Variants in PITRM1 observed in about 807,000 individuals in gnomAD.
The protein encoded by PITRM1 is pitrilysin metallopeptidase 1.
In PITRM1, 100 loss-of-function variants were observed where a neutral mutation model predicts 129.9. The observed-to-expected ratio is 0.77, with a 90% confidence interval of 0.65 to 0.91. PITRM1 has a LOEUF of 0.91. Among genes scored for constraint, PITRM1 ranks in the 40% least tolerant of loss-of-function variants. The pLI, the probability that PITRM1 is intolerant of heterozygous loss-of-function variation, is 0.00. For missense variants in PITRM1, 1,471 were observed against 1,318.3 expected, an observed-to-expected ratio of 1.12 and a Z score of -1.79; for synonymous variants, 591 against 508.8, an observed-to-expected ratio of 1.16 and a Z score of -2.17.
At chr10:3,151,862 C>T (rs150177190) in intron 14 of PITRM1, among the ~76,000 whole-genome samples, 2 of 152,216 alleles carry the variant, frequency 1.3e-5, no homozygotes, top group South Asian at 2.1e-4. Flanking sequence ...TAGCCTCCTA[C>T]GTGGCTGGGA....
chr10:3,139,252 T>G (rs1472015239), intron 24 of PITRM1, among the ~76,000 whole-genome samples: 1 of 152,168 alleles, frequency 6.6e-6, no homozygotes, highest in Non-Finnish European at 1.5e-5. Context: ...TTTCAACATG[T>G]TCTCCCTCTT....
intron 15 of PITRM1, among the ~76,000 whole-genome samples, 169 bp from the exon 16 acceptor site, chr10:3,149,922 T>C (rs1841336144): frequency 1.3e-5 from 2 of 152,152 alleles, no homozygotes; most frequent in Non-Finnish European, 2.9e-5. Context: ...AAACTGGAAC[T>C]GTCTTCAATA....
intron 22 of PITRM1, chr10:3,143,836 C>T (rs1840536539): frequency 1.7e-6 from 1 of 578,680 alleles, no homozygotes; most frequent in Non-Finnish European, 3.3e-6. Context: ...ATTTATATTT[C>T]ATATCATATT....
intron 14 of PITRM1, among the ~76,000 whole-genome samples, chr10:3,153,548 G>C (rs1006399642): frequency 6.6e-6 from 1 of 152,056 alleles, no homozygotes; most frequent in Non-Finnish European, 1.5e-5. Context: ...GAATCCGGGA[G>C]GGGGAGCTTG....
chr10:3,166,428 C>T (rs369188722), intron 3 of PITRM1, 48 bp from the exon 4 acceptor site: 50 of 473,398 alleles, frequency 1.1e-4, no homozygotes, highest in South Asian at 2.0e-4. Context: ...CTTAGTGCTG[C>T]GGACACAGTT....
At chr10:3,157,175 G>T in intron 12 of PITRM1, 111 bp from the exon 13 acceptor site, 1 of 1,007,816 alleles carries the variant, frequency 9.9e-7, no homozygotes, top group East Asian at 2.7e-5. Context: ...ATATACCACA[G>T]ATGATTGTTT....
intron 23 of PITRM1, among the ~76,000 whole-genome samples, chr10:3,142,056 G>C (rs545291070): frequency 1.3e-5 from 2 of 152,144 alleles, no homozygotes; most frequent in African/African-American, 4.8e-5. Context: ...CAAAACACAA[G>C]GAAAAAAAGA....
chr10:3,140,648 A>G (rs751910685), intron 24 of PITRM1, 39 bp downstream of exon 24: 56 of 1,560,838 alleles, frequency 3.6e-5, no homozygotes, highest in Non-Finnish European at 4.4e-5. Context: ...GACTAAAACG[A>G]CGTGTGCATC....
At chr10:3,168,914 CTACACACACACACACACACA>C (rs1199092192) in intron 2 of PITRM1, among the ~76,000 whole-genome samples, 10 of 137,430 alleles carry the variant, frequency 7.3e-5, no homozygotes, top group African/African-American at 2.7e-4. Flanking sequence ...AAGTTTCCAT[CTACACACACACACACACACA>C]CACACACACA....
Position 3,158,053 on chromosome 10 carries a change from CA to C in PITRM1, c.1236del (p.Ile412MetfsTer4). ...AGCTACACTCACTCAACTACTTCAT[CA>C]ATCGTTCTGTCTATGAGGCTTCTGA... ...ETVRSLIDRT[I>X]DEVVEKGFED... On this transcript the variant is annotated frameshift_variant, in exon 11 of 27. Coordinates refer to ENST00000224949, the MANE Select transcript of PITRM1 (RefSeq NM_014889.4). LOFTEE classifies it high-confidence loss of function. 1.9e-6 allele frequency: 3 copies of C among 1,598,698 alleles called. No homozygotes were observed. The highest frequency in any genetic ancestry group is 2.6e-6 in the Non-Finnish European group (3 of 1,165,710).
chr10:3,138,093 G>C lies in PITRM1; in HGVS notation c.3052C>G (p.Leu1018Val). 2.5e-6 allele frequency: 4 copies of C among 1,610,734 alleles called. No individual in the cohort carries two copies. Among genetic ancestry groups the C allele is most frequent in the Non-Finnish European group, 3.4e-6 (4 of 1,178,642 alleles). Residue 1018 changes from leucine (L) to valine (V), a missense_variant, in exon 27 of 27, where the codon CTG becomes GTG. Coordinates refer to ENST00000224949, the MANE Select transcript of PITRM1 (RefSeq NM_014889.4). ...YLGTGKSTHG[L>V]AILGPENPKI... ...GGGTTCTCGGGTCCGAGGATGGCCA[G>C]GCCGTGTGTGCTCTTCCCAGTGCCG...
rs1415301748 is a variant in PITRM1, at chr10:3,165,295, G to T, written c.573C>A (p.Asp191Glu). The T allele has an allele frequency of 3.1e-6, 5 of 1,588,588 alleles. No homozygotes were observed. The highest frequency in any genetic ancestry group is 3.4e-6 in the Non-Finnish European group (4 of 1,167,678). Residue 191 changes from aspartate to glutamate, a missense_variant, in exon 6 of 27, where the codon GAC becomes GAA. By Grantham distance (45) the Asp-to-Glu change is conservative. Transcript: ENST00000224949. ...CTTTAAAGACCAAGGGCGTCTGGGG[G>T]TCGCTCGGATTCTCATGTTCCAGCC... ...GWRLEHENPSDPQTPLVFKGV... is the reference protein window; with the variant it reads ...GWRLEHENPSEPQTPLVFKGV...
In PITRM1 at chr10:3,143,507, G is replaced by A. The variant is rs1840485507; in HGVS notation, c.2533-6C>T. On this transcript the variant is annotated splice_polypyrimidine_tract_variant and splice_region_variant and intron_variant, in intron 22 of 26. Coordinates refer to ENST00000224949, the MANE Select transcript of PITRM1 (RefSeq NM_014889.4). ...CAGGGCTTGAAGGTGGGTTCCTGAG[G>A]GACACGGTATGGTCAGAGGCGGCTG... is the stretch of plus-strand genomic sequence containing the variant. The A allele has an allele frequency of 6.3e-7, 1 of 1,593,200 alleles. No individual in the cohort carries two copies. The highest frequency in any genetic ancestry group is 8.6e-7 in the Non-Finnish European group (1 of 1,161,030).
chr10:3,147,665 A>T lies in PITRM1; in HGVS notation c.2142T>A (p.Ile714=), dbSNP rs768674276. 1 of 1,613,776 alleles carries T rather than the reference A, an allele frequency of 6.2e-7. No homozygotes were observed. The highest frequency in any genetic ancestry group is 2.2e-5 in the East Asian group (1 of 44,878). The change falls in exon 19 of 27, where the codon ATT becomes ATA. Residue 714 remains isoleucine, a synonymous_variant. Transcript: ENST00000224949. ...KMTAQELANG[I]PDSGHLYASI... is the part of the protein sequence containing the mutation. Reference sequence around the variant, plus strand: ...ATGCGTACAGGTGCCCAGAGTCAGGAATTCCATTGGCGAGCTCCTGGGCGG... The same window carrying T: ...ATGCGTACAGGTGCCCAGAGTCAGGTATTCCATTGGCGAGCTCCTGGGCGG...
At chr10:3,161,676 G>T (rs1461458522) in intron 7 of PITRM1, among the ~76,000 whole-genome samples, 2 of 151,888 alleles carry the variant, frequency 1.3e-5, no homozygotes, top group African/African-American at 4.8e-5. Context: ...GCATTAGGGA[G>T]GTGGGGGTGG....
intron 24 of PITRM1, among the ~76,000 whole-genome samples, chr10:3,140,090 A>C (rs1351363503): frequency 6.6e-6 from 1 of 152,150 alleles, no homozygotes. Context: ...TCCTATACCT[A>C]TGATAAAGTT....
At position 3,154,613 on chromosome 10, in the gene PITRM1, T is replaced by C. The variant is rs140616476; in HGVS notation, c.1621+978A>G. Among the ~76,000 whole-genome samples, 917 of 152,334 alleles carry C rather than the reference T, an allele frequency of 6.0e-3. 6 individuals are homozygous for C. Among genetic ancestry groups the C allele is most frequent in the Middle Eastern group, 0.034 (10 of 294 alleles). ...CCCATGTAATGATTTATGTGCCTAT[T>C]TGCCATTAGGAACTCTTAGATGATA... On this transcript the variant is annotated intron_variant, in intron 14 of 26. Transcript: ENST00000224949.
rs200165191 is a variant in PITRM1 at position 3,170,176 on chromosome 10, G to A, written c.87C>T (p.Asn29=). The A allele has an allele frequency of 7.4e-5, 119 of 1,613,810 alleles. 1 individual carries two copies. The Middle Eastern group carries it at 9.9e-4, about 13-fold the overall frequency. ...GAGCCCTCTCACAAGCCCGGTTACT[G>A]TTCCATCGCCACGCTCTGTGGTGTG... ...GHAHHRAWRW[N]SNRACERALQ... Residue 29 remains asparagine (N), a synonymous_variant, in exon 2 of 27, where the codon AAC becomes AAT. Coordinates refer to ENST00000224949, the MANE Select transcript of PITRM1 (RefSeq NM_014889.4).
At chr10:3,168,568 G>C (rs1003738335) in intron 2 of PITRM1, among the ~76,000 whole-genome samples, 1 of 147,270 alleles carries the variant, frequency 6.8e-6, no homozygotes, top group African/African-American at 2.7e-5. Flanking sequence ...CCTGGTGGGA[G>C]GTAATTGAAT....
Sources: gnomAD v4.1 joint callset for allele counts (sites outside exome capture counted in the v4.1 genomes callset) on GRCh38, gnomAD v4.1.1 for gene constraint, MANE v1.5 for transcripts, NCBI Gene and HGNC (gene_info 2026-07-23, HGNC 2026-07-21) for gene names.